The following MAF variants were observed in gnomAD, a reference collection of about 807,000 sequenced individuals.
MAF encodes transcription factor Maf.
A neutral mutation model predicts 22.0 loss-of-function variants in MAF; 10 were observed. That is an observed-to-expected ratio of 0.45 (90% confidence interval 0.28 to 0.77). MAF has a LOEUF of 0.77. Among genes scored for constraint, MAF ranks in the 30% least tolerant of loss-of-function variants. The pLI is 0.12. For missense variants in MAF, 544 were observed against 548.4 expected (o/e 0.99, Z 0.08); for synonymous variants, 337 against 255.8 (o/e 1.32, Z -3.03).
chr16:79,495,839 A>G, the MAF span, among the ~76,000 whole-genome samples: 2 of 152,204 alleles, frequency 1.3e-5, no homozygotes, highest in South Asian at 2.1e-4. Flanking sequence ...CCACACGTCA[A>G]GCTTACTTCT....
chr16:79,437,907 G>T, the MAF span, among the ~76,000 whole-genome samples: 5 of 152,246 alleles, frequency 3.3e-5, no homozygotes, highest in East Asian at 9.7e-4. Context: ...CACAGGCCAG[G>T]CGGGAGGTTT....
chr16:79,299,238 G>A, the MAF span, among the ~76,000 whole-genome samples: 2 of 151,836 alleles, frequency 1.3e-5, no homozygotes, highest in Admixed American at 6.6e-5. Flanking sequence ...ATTAATGCGG[G>A]TTTTGTTCAG....
chr16:79,500,614 A>G, the MAF span, among the ~76,000 whole-genome samples: 3 of 152,170 alleles, frequency 2.0e-5, no homozygotes, highest in Non-Finnish European at 4.4e-5. Flanking sequence ...CTGTAGGCAG[A>G]AAAAGTACAC....
At position 79,594,031 on chromosome 16, in the gene MAF, C is replaced by G; in HGVS notation, c.*429G>C. 1 of 229,194 alleles carries G rather than the reference C, an allele frequency of 4.4e-6. No homozygotes were observed. Among genetic ancestry groups the G allele is most frequent in the East Asian group, 6.6e-5 (1 of 15,050 alleles). The allele number at this position is 229,194 out of a possible 1,614,324, so 14.2% of individuals were successfully genotyped here. On this transcript the variant is annotated 3_prime_UTR_variant, in exon 2 of 2. Transcript: ENST00000326043. ...GGGGAGTCGAATATCTATTTTTCTT[C>G]TTAGTAAAATTATCTGCCAGAGAAA...
chr16:79,210,950 T>C, the MAF span, among the ~76,000 whole-genome samples: 1 of 152,092 alleles, frequency 6.6e-6, no homozygotes, highest in African/African-American at 2.4e-5. Flanking sequence ...CTGGGTCAAA[T>C]ATGACATTTA....
chr16:79,231,968 C>G, the MAF span, among the ~76,000 whole-genome samples: 1 of 152,038 alleles, frequency 6.6e-6, no homozygotes, highest in Non-Finnish European at 1.5e-5. Flanking sequence ...ATAAGGAGCA[C>G]ACAACCTAGA....
At chr16:79,408,078 C>CA in the MAF span, among the ~76,000 whole-genome samples, 28,920 of 81,276 alleles carry the variant, frequency 0.36, 5,284 homozygotes, top group Non-Finnish European at 0.43. Flanking sequence ...TTTTACCTTT[C>CA]AAAAAAAAAA....
the MAF span, among the ~76,000 whole-genome samples, chr16:79,368,473 G>A: frequency 6.6e-6 from 1 of 152,144 alleles, no homozygotes; most frequent in East Asian, 1.9e-4. Flanking sequence ...TTTAGTATAT[G>A]ACTATGAGAA....
the MAF span, among the ~76,000 whole-genome samples, chr16:79,419,061 T>C: frequency 3.3e-5 from 5 of 152,228 alleles, no homozygotes; most frequent in Admixed American, 1.3e-4. Flanking sequence ...TCAGCAGTGT[T>C]TGCACAGGAA....
At chr16:79,492,212 G>A in the MAF span, among the ~76,000 whole-genome samples, 1 of 152,180 alleles carries the variant, frequency 6.6e-6, no homozygotes, top group African/African-American at 2.4e-5. Context: ...CACACATGAA[G>A]AATGCAGGCA....
chr16:79,478,073 T>C, the MAF span, among the ~76,000 whole-genome samples: 1 of 152,120 alleles, frequency 6.6e-6, no homozygotes, highest in Non-Finnish European at 1.5e-5. Flanking sequence ...ATTAACTCTT[T>C]TATAAATAAG....
the MAF span, among the ~76,000 whole-genome samples, chr16:79,246,529 C>T: frequency 6.5e-5 from 6 of 92,980 alleles, no homozygotes; most frequent in African/African-American, 2.9e-4. Context: ...TTGGTTTAGG[C>T]AGGTTTTTTT....
At chr16:79,519,508 C>A in the MAF span, among the ~76,000 whole-genome samples, 1 of 152,128 alleles carries the variant, frequency 6.6e-6, no homozygotes, top group Admixed American at 6.5e-5. Context: ...AAGCACGAAG[C>A]AGCATGTTCT....
At chr16:79,304,621 G>C in the MAF span, among the ~76,000 whole-genome samples, 1 of 152,236 alleles carries the variant, frequency 6.6e-6, no homozygotes, top group East Asian at 1.9e-4. Context: ...GGTGTTTTCT[G>C]TATGAAGATT....
chr16:79,346,504 G>GA, the MAF span, among the ~76,000 whole-genome samples: 132 of 151,168 alleles, frequency 8.7e-4, 1 homozygote, highest in East Asian at 4.1e-3. Flanking sequence ...TAACGGCAAA[G>GA]AAAAAAAAAC....
chr16:79,427,778 C>T, the MAF span, among the ~76,000 whole-genome samples: 4 of 152,152 alleles, frequency 2.6e-5, no homozygotes, highest in African/African-American at 9.7e-5. Flanking sequence ...GTTGTAATTG[C>T]TCTGCTCGTT....
the MAF span, among the ~76,000 whole-genome samples, chr16:79,309,829 C>G: frequency 1.3e-5 from 2 of 152,164 alleles, no homozygotes; most frequent in Non-Finnish European, 2.9e-5. Flanking sequence ...TGCTGTACCT[C>G]TATGCTGTGG....
At chr16:79,395,683 A>T in the MAF span, among the ~76,000 whole-genome samples, 1 of 152,206 alleles carries the variant, frequency 6.6e-6, no homozygotes, top group Non-Finnish European at 1.5e-5. Flanking sequence ...GTTCCTTCAG[A>T]GTCTCCAAAA....
the MAF span, among the ~76,000 whole-genome samples, chr16:79,379,081 C>A: frequency 6.6e-6 from 1 of 152,188 alleles, no homozygotes; most frequent in Non-Finnish European, 1.5e-5. Flanking sequence ...GATCAAGAGT[C>A]AGCTTGTGAC....
Sources: gnomAD v4.1 joint callset for allele counts (sites outside exome capture counted in the v4.1 genomes callset) on GRCh38, gnomAD v4.1.1 for gene constraint, MANE v1.5 for transcripts, NCBI Gene and HGNC (gene_info 2026-07-23, HGNC 2026-07-21) for gene names.